Variants in FAM107B observed in about 807,000 individuals in gnomAD.
FAM107B encodes protein FAM107B.
A neutral mutation model predicts 31.5 loss-of-function variants in FAM107B; 21 were observed. That is an observed-to-expected ratio of 0.67 (90% CI 0.47 to 0.96). The LOEUF is 0.96. FAM107B is among the 40% of genes least tolerant of loss of function. FAM107B has a pLI of 0.00. For missense variants in FAM107B, 452 were observed against 377.1 expected, an observed-to-expected ratio of 1.20 and a Z score of -1.64; for synonymous variants, 157 against 141.5, an observed-to-expected ratio of 1.11 and a Z score of -0.78.
chr10:14,747,081 T>C (rs187107597), intron 1 of FAM107B, among the ~76,000 whole-genome samples: 331 of 152,336 alleles, frequency 2.2e-3, no homozygotes, highest in African/African-American at 7.3e-3. Flanking sequence ...ACTTGATCAA[T>C]TTGGCTATTG....
At position 14,612,794 on chromosome 10, in the gene FAM107B, A is replaced by G. The variant is rs779228382; in HGVS notation, c.469+54840T>C. On this transcript the variant is annotated intron_variant, in intron 2 of 4. Coordinates refer to ENST00000181796, the MANE Select transcript of FAM107B (RefSeq NM_031453.4). ...GACAAAGACACACAGAGAAAGAACA[A>G]GTAAAAAAGACTGGGAATAAAAATG... Among the ~76,000 whole-genome samples, 43 of 152,326 alleles carry G rather than the reference A, an allele frequency of 2.8e-4. 1 individual carries two copies. The highest frequency in any genetic ancestry group is 6.8e-3 in the Middle Eastern group (2 of 294).
intron 2 of FAM107B, among the ~76,000 whole-genome samples, chr10:14,547,333 G>C (rs1033329103): frequency 1.3e-5 from 2 of 152,104 alleles, no homozygotes; most frequent in Non-Finnish European, 2.9e-5. Context: ...CTCTGGGTTT[G>C]TTTCCTTACT....
chr10:14,614,676 CA>C (rs576366601), intron 2 of FAM107B, among the ~76,000 whole-genome samples: 1,248 of 56,314 alleles, frequency 0.022, 11 homozygotes, highest in African/African-American at 0.069. Flanking sequence ...GACTCTGTCT[CA>C]AAAAAAAAAA....
At chr10:14,530,795 C>A (rs1432467678) in intron 2 of FAM107B, among the ~76,000 whole-genome samples, 1 of 152,186 alleles carries the variant, frequency 6.6e-6, no homozygotes, top group Non-Finnish European at 1.5e-5. Context: ...GTTCCGGTCA[C>A]AAAGGATGCT....
intron 2 of FAM107B, among the ~76,000 whole-genome samples, chr10:14,574,694 A>T (rs72768931): frequency 0.11 from 17,104 of 152,252 alleles, 1,088 homozygotes; most frequent in Non-Finnish European, 0.15. Context: ...AAGAATTACG[A>T]AATTATACTG....
At chr10:14,768,745 T>G (rs984367621) in intron 1 of FAM107B, among the ~76,000 whole-genome samples, 3 of 152,206 alleles carry the variant, frequency 2.0e-5, no homozygotes, top group Admixed American at 6.5e-5. Flanking sequence ...TCCAACAAAT[T>G]TTTGGTTATC....
At chr10:14,600,509 C>A (rs905231569) in intron 2 of FAM107B, among the ~76,000 whole-genome samples, 6 of 152,086 alleles carry the variant, frequency 3.9e-5, no homozygotes, top group African/African-American at 1.4e-4. Context: ...GAAACCCAAC[C>A]CCCACCTTCA....
intron 2 of FAM107B, among the ~76,000 whole-genome samples, chr10:14,555,266 A>C (rs1255528865): frequency 2.6e-5 from 4 of 152,250 alleles, no homozygotes; most frequent in Non-Finnish European, 5.9e-5. Context: ...CATTGTTATT[A>C]TAAAGTTGTT....
intron 2 of FAM107B, among the ~76,000 whole-genome samples, chr10:14,575,243 G>A (rs980381615): frequency 1.6e-4 from 24 of 150,870 alleles, no homozygotes; most frequent in Non-Finnish European, 3.2e-4. Flanking sequence ...TCGCTCTATC[G>A]CCCAGGCTGG....
At chr10:14,679,615 C>T (rs1854779404) in intron 1 of FAM107B, among the ~76,000 whole-genome samples, 1 of 152,192 alleles carries the variant, frequency 6.6e-6, no homozygotes, top group Non-Finnish European at 1.5e-5. Flanking sequence ...AGGATGAACC[C>T]AGGCAAGATG....
chr10:14,671,893 CAA>C (rs1190652363), intron 1 of FAM107B, among the ~76,000 whole-genome samples: 1 of 123,078 alleles, frequency 8.1e-6, no homozygotes, highest in Non-Finnish European at 1.7e-5. Flanking sequence ...AACAAAAAAA[CAA>C]AAAAAAAACC....
intron 2 of FAM107B, among the ~76,000 whole-genome samples, chr10:14,541,196 C>T (rs1202309607): frequency 2.6e-5 from 4 of 152,158 alleles, no homozygotes; most frequent in Non-Finnish European, 5.9e-5. Context: ...TGGCCTCCAT[C>T]CCCTCCGGTT....
intron 1 of FAM107B, among the ~76,000 whole-genome samples, chr10:14,742,589 TTA>T (rs1190649532): frequency 6.6e-6 from 1 of 152,024 alleles, no homozygotes; most frequent in East Asian, 1.9e-4. Flanking sequence ...GCTGGATGAG[TTA>T]TTTCTCTTTT....
chr10:14,770,617 C>T (rs573410456), intron 1 of FAM107B, among the ~76,000 whole-genome samples: 44 of 152,234 alleles, frequency 2.9e-4, no homozygotes, highest in Non-Finnish European at 5.1e-4. Context: ...ACTTCAACTA[C>T]AAGACCACTA....
chr10:14,629,509 A>G (rs1473654387), intron 2 of FAM107B, among the ~76,000 whole-genome samples: 1 of 117,120 alleles, frequency 8.5e-6, no homozygotes, highest in African/African-American at 3.6e-5. Context: ...TATATTTAAT[A>G]TATATATATA....
At chr10:14,640,511 C>A (rs574214086) in intron 2 of FAM107B, among the ~76,000 whole-genome samples, 1 of 152,308 alleles carries the variant, frequency 6.6e-6, no homozygotes, top group South Asian at 2.1e-4. Context: ...CTAGTCAACC[C>A]TGGACCAACA....
chr10:14,682,490 C>T (rs761567067), intron 1 of FAM107B, among the ~76,000 whole-genome samples: 1 of 152,192 alleles, frequency 6.6e-6, no homozygotes, highest in Non-Finnish European at 1.5e-5. Flanking sequence ...GATTGTGCCA[C>T]TGCATTCCAG....
intron 3 of FAM107B, among the ~76,000 whole-genome samples, chr10:14,528,307 G>A (rs754237521): frequency 6.8e-5 from 10 of 148,118 alleles, no homozygotes; most frequent in African/African-American, 2.2e-4. Context: ...TCAGCCTCCC[G>A]AGTGGTTGGG....
intron 1 of FAM107B, among the ~76,000 whole-genome samples, chr10:14,698,134 AAAG>A (rs1855310102): frequency 6.6e-6 from 1 of 152,312 alleles, no homozygotes; most frequent in East Asian, 1.9e-4. Flanking sequence ...CAAAAAAAAA[AAAG>A]AAGAAATATC....
Sources: allele counts gnomAD v4.1 joint callset (sites outside exome capture counted in the v4.1 genomes callset), GRCh38; gene constraint gnomAD v4.1.1; transcripts MANE v1.5; gene names NCBI Gene and HGNC (gene_info 2026-07-23, HGNC 2026-07-21).